FAM133B: variants seen among roughly 807,000 people sequenced by gnomAD.
FAM133B encodes family with sequence similarity 133 member B, also known as protein FAM133B.
In FAM133B, 25 loss-of-function variants were observed where a neutral mutation model predicts 46.4. That is an observed-to-expected ratio of 0.54 (90% CI 0.39 to 0.75). The LOEUF (loss-of-function observed/expected upper bound fraction) is 0.75, where lower values mean the gene tolerates loss of function less well. FAM133B is among the 30% of genes least tolerant of loss of function. The probability of loss-of-function intolerance (pLI) is 0.00; values close to 1 mark genes in which losing one functional copy is unlikely to be tolerated. For missense variants in FAM133B, 205 were observed against 277.6 expected (o/e 0.74, Z 1.86); for synonymous variants, 75 against 86.0 (o/e 0.87, Z 0.71).
chr7:92,569,820 T>C lies in FAM133B; in HGVS notation c.609+3A>G. The stretch of plus-strand genomic sequence containing the variant: ...GAGAAAATGGATTTGATCATATACT[T>C]ACCTCCTCAATATACTCTGATTCTG... On this transcript the variant is annotated splice_donor_region_variant and intron_variant, in intron 9 of 10. Coordinates refer to ENST00000445716, the MANE Select transcript of FAM133B (RefSeq NM_152789.4). The C allele has an allele frequency of 7.3e-7, 1 of 1,368,718 alleles. No individual in the cohort carries two copies. The highest frequency in any genetic ancestry group is 1.5e-5 in the African/African-American group (1 of 65,452). 84.8% of individuals were successfully genotyped at this position (1,368,718 alleles called of 1,614,324 possible). A position where few individuals can be genotyped will look rare whatever the true frequency, so the allele number is the denominator to read the frequency against.
At position 92,590,389 on chromosome 7, in the gene FAM133B, C is replaced by A; in HGVS notation, c.-98G>T. 1 of 1,577,396 alleles carries A rather than the reference C, an allele frequency of 6.3e-7. No individual in the cohort carries two copies. The highest frequency in any genetic ancestry group is 8.7e-7 in the Non-Finnish European group (1 of 1,155,198). On this transcript the variant is annotated 5_prime_UTR_variant, in exon 1 of 11. Coordinates refer to ENST00000445716, the MANE Select transcript of FAM133B (RefSeq NM_152789.4). The stretch of plus-strand genomic sequence containing the variant: ...CAGGTCCTCTTGCCGCCTCCCCACT[C>A]CGCCTAGAGAGCGGCACCACGCGGA...
At chr7:92,575,180 G>A (rs1004996271) in intron 8 of FAM133B, among the ~76,000 whole-genome samples, 1 of 152,148 alleles carries the variant, frequency 6.6e-6, no homozygotes, top group Non-Finnish European at 1.5e-5. Flanking sequence ...TTCTTTAATT[G>A]GAAGGGCCTT....
Position 92,571,517 on chromosome 7 carries a change from T to C in FAM133B, c.517-1602A>G, listed in dbSNP as rs190497681. Among the ~76,000 whole-genome samples the C allele has an allele frequency of 2.7e-4, 41 of 152,312 alleles. No homozygotes were observed. In the East Asian group the frequency reaches 6.4e-3, roughly 24 times the overall value. On this transcript the variant is annotated intron_variant, in intron 8 of 10. Transcript: ENST00000445716. ...AAATATATGGTCAAAAGTTTGAGTT[T>C]TGAGGCATAAGCCTTCCCCACCCCA...
intron 7 of FAM133B, among the ~76,000 whole-genome samples, chr7:92,576,389 G>A (rs1049608284): frequency 6.6e-6 from 1 of 152,124 alleles, no homozygotes; most frequent in Non-Finnish European, 1.5e-5. Flanking sequence ...AAAAGACAAA[G>A]AGAAAACCAA....
At position 92,577,575 on chromosome 7, in the gene FAM133B, G is replaced by C. The variant is rs1794738370; in HGVS notation, c.372+80C>G. ...AACCTGGAAGTCAACATTTCTAACA[G>C]ATATTTCACAATGGGTTTCCACTTG... is the stretch of plus-strand genomic sequence containing the variant. On this transcript the variant is annotated intron_variant, in intron 6 of 10. Coordinates refer to ENST00000445716, the MANE Select transcript of FAM133B (RefSeq NM_152789.4). The C allele has an allele frequency of 3.3e-6, 4 of 1,203,274 alleles. No individual in the cohort carries two copies. In the Admixed American group the frequency reaches 8.2e-5, roughly 25 times the overall value. 74.5% of individuals were successfully genotyped at this position (1,203,274 alleles called of 1,614,324 possible).
At chr7:92,564,210 G>A (rs963479261) in intron 10 of FAM133B, among the ~76,000 whole-genome samples, 5 of 152,084 alleles carry the variant, frequency 3.3e-5, no homozygotes, top group Admixed American at 2.6e-4. Flanking sequence ...CTCTGCCTAG[G>A]ATATTCTTTC....
At chr7:92,568,524 ATTTTTTTTTT>A (rs745580425) in intron 9 of FAM133B, among the ~76,000 whole-genome samples, 1 of 118,226 alleles carries the variant, frequency 8.5e-6, no homozygotes, top group African/African-American at 3.3e-5. Context: ...CGCCTGGCTA[ATTTTTTTTTT>A]TTTTTTTTTT....
At position 92,587,655 on chromosome 7, in the gene FAM133B, G is replaced by A. The variant is rs535975133; in HGVS notation, c.24+2613C>T. 3.6e-4 allele frequency among the ~76,000 whole-genome samples: 55 copies of A among 152,222 alleles called. No individual in the cohort carries two copies. In the South Asian group the frequency reaches 0.011, roughly 29 times the overall value. ...AGGCTGACGTGAGAGCATCCCTTGAGCCTGGGAAGTTGAAGCTGCAGTGAG... is the reference window on the plus strand; with the variant it reads ...AGGCTGACGTGAGAGCATCCCTTGAACCTGGGAAGTTGAAGCTGCAGTGAG... On this transcript the variant is annotated intron_variant, in intron 1 of 10. Transcript: ENST00000445716.
At chr7:92,590,008 G>C (rs754726230) in intron 1 of FAM133B, 18 of 569,936 alleles carry the variant, frequency 3.2e-5, no homozygotes, top group Non-Finnish European at 5.3e-5. Context: ...CAGCAGGCAA[G>C]AGTGCAAACC....
At chr7:92,576,803 T>G (rs2116402615) in intron 7 of FAM133B, among the ~76,000 whole-genome samples, 1 of 152,360 alleles carries the variant, frequency 6.6e-6, no homozygotes, top group South Asian at 2.1e-4. Context: ...CTTTTAATTC[T>G]AATTCCAGCT....
chr7:92,589,169 T>C (rs1476137136), intron 1 of FAM133B, among the ~76,000 whole-genome samples: 1 of 152,254 alleles, frequency 6.6e-6, no homozygotes, highest in East Asian at 1.9e-4. Flanking sequence ...CTCATTTTGC[T>C]ACTCAGTGGC....
Position 92,562,378 on chromosome 7 carries a change from T to G in FAM133B, c.658-10A>C, listed in dbSNP as rs1794187083. On this transcript the variant is annotated splice_polypyrimidine_tract_variant and intron_variant, in intron 10 of 10. Coordinates refer to ENST00000445716, the MANE Select transcript of FAM133B (RefSeq NM_152789.4). ...TCTTTTTTGTTTTTTCCTGTAAAGA[T>G]AATTCCATGTTAGACATTACTATAT... 6.5e-7 allele frequency: 1 copy of G among 1,527,874 alleles called. No individual in the cohort carries two copies. The highest frequency in any genetic ancestry group is 8.7e-7 in the Non-Finnish European group (1 of 1,143,688). The allele number at this position is 1,527,874 out of a possible 1,614,324, so 94.6% of individuals were successfully genotyped here.
chr7:92,577,920 A>T (rs1794750748), intron 5 of FAM133B: 1 of 649,820 alleles, frequency 1.5e-6, no homozygotes, highest in Non-Finnish European at 2.7e-6. Context: ...CATGGTCACC[A>T]ATCTTTCTCT....
At position 92,561,000 on chromosome 7, in the gene FAM133B, G is replaced by C. The variant is rs1033969523; in HGVS notation, c.*1282C>G. ...GTAAACAATTCAGCAGTAGACATGA[G>C]GCACAAAATCTTAGTAAAATATGAC... On this transcript the variant is annotated 3_prime_UTR_variant, in exon 11 of 11. Coordinates refer to ENST00000445716, the MANE Select transcript of FAM133B (RefSeq NM_152789.4). 1.3e-5 allele frequency: 2 copies of C among 152,510 alleles called. No individual in the cohort carries two copies. Among genetic ancestry groups the C allele is most frequent in the Non-Finnish European group, 2.9e-5 (2 of 68,024 alleles). The allele number at this position is 152,510 out of a possible 1,614,324, so 9.4% of individuals were successfully genotyped here.
intron 3 of FAM133B, 43 bp downstream of exon 3, chr7:92,579,274 T>C: frequency 6.5e-7 from 1 of 1,549,294 alleles, no homozygotes; most frequent in Admixed American, 1.8e-5. Flanking sequence ...CCACCATAAC[T>C]GGCCAAATTA....
intron 8 of FAM133B, among the ~76,000 whole-genome samples, chr7:92,574,045 A>G (rs1794618377): frequency 1.3e-5 from 2 of 152,116 alleles, no homozygotes; most frequent in African/African-American, 2.4e-5. Flanking sequence ...ATTAATTTTT[A>G]TTTGCAAATT....
At position 92,562,510 on chromosome 7, in the gene FAM133B, T is replaced by A. The variant is rs1302432910; in HGVS notation, c.658-142A>T. ...TACTCAAAACATTCCTCAAAAAGTC[T>A]CAACAACCAGTATCATATGAGGACT... On this transcript the variant is annotated intron_variant, in intron 10 of 10. Transcript: ENST00000445716. 2.5e-6 allele frequency: 3 copies of A among 1,208,360 alleles called. No individual in the cohort carries two copies. In the Admixed American group the frequency reaches 9.2e-5, roughly 37 times the overall value. 74.9% of individuals were successfully genotyped at this position (1,208,360 alleles called of 1,614,324 possible).
At chr7:92,589,714 C>T (rs1341112112) in intron 1 of FAM133B, 1 of 154,146 alleles carries the variant, frequency 6.5e-6, no homozygotes, top group Admixed American at 6.5e-5. Flanking sequence ...GCGCTGGAGA[C>T]ACGAAAGCAA....
chr7:92,574,476 G>A (rs920584215), intron 8 of FAM133B, among the ~76,000 whole-genome samples: 3 of 152,140 alleles, frequency 2.0e-5, no homozygotes, highest in African/African-American at 7.2e-5. Context: ...GTTTTGAAAC[G>A]AGAGTGAGAT....
Sources: allele counts gnomAD v4.1 joint callset (sites outside exome capture counted in the v4.1 genomes callset), GRCh38; gene constraint gnomAD v4.1.1; transcripts MANE v1.5; gene names NCBI Gene and HGNC (gene_info 2026-07-23, HGNC 2026-07-21).